The following JMJD1C variants were observed in gnomAD, a reference collection of about 807,000 sequenced individuals.
JMJD1C encodes the protein jumonji domain containing 1C, also known as jumonji domain-containing protein 1C.
In JMJD1C, 31 loss-of-function variants were observed where a neutral mutation model predicts 245.3. The ratio of observed to expected loss-of-function variants is 0.13; its 90% CI spans 0.09 to 0.17. JMJD1C has a LOEUF of 0.17. Ranked by LOEUF, JMJD1C falls within the 10% of genes least tolerant of loss-of-function variation. The probability of loss-of-function intolerance (pLI) is 1.00; values close to 1 mark genes in which losing one functional copy is unlikely to be tolerated. For missense variants in JMJD1C, 2,691 were observed against 3,000.2 expected (o/e 0.90, Z 2.41); for synonymous variants, 1,057 against 1,017.4 (o/e 1.04, Z -0.74).
chr10:63,517,657 T>C (rs1564983902), intron 1 of JMJD1C, among the ~76,000 whole-genome samples: 3 of 152,250 alleles, frequency 2.0e-5, no homozygotes, highest in Non-Finnish European at 4.4e-5. Context: ...ATCTTCTATA[T>C]AAGAAATGAT....
intron 1 of JMJD1C, among the ~76,000 whole-genome samples, chr10:63,487,123 G>A (rs1012873471): frequency 6.6e-6 from 1 of 152,152 alleles, no homozygotes; most frequent in Non-Finnish European, 1.5e-5. Context: ...TAAGAGGAAG[G>A]TATGATATAG....
intron 10 of JMJD1C, among the ~76,000 whole-genome samples, chr10:63,206,246 TG>T (rs1846603932): frequency 1.3e-5 from 2 of 152,164 alleles, no homozygotes; most frequent in Admixed American, 6.6e-5. Context: ...AATCCACTTT[TG>T]GTGTGACAGC....
intron 2 of JMJD1C, among the ~76,000 whole-genome samples, chr10:63,285,458 C>T (rs1266096902): frequency 6.6e-6 from 1 of 152,152 alleles, no homozygotes; most frequent in Non-Finnish European, 1.5e-5. Flanking sequence ...ATAAACTTGC[C>T]GCAGATCCCA....
chr10:63,214,532 T>C lies in JMJD1C; in HGVS notation c.1635A>G (p.Lys545=). 3 of 1,613,976 alleles carry C rather than the reference T, an allele frequency of 1.9e-6. No individual in the cohort carries two copies. Among genetic ancestry groups the C allele is most frequent in the Admixed American group, 1.7e-5 (1 of 60,006 alleles). ...AGAATTTTGCATTTGCAATAGAGTG[T>C]TTTGAATCACTAACATTAGGATCCA... ...QKMDPNVSDS[K]HSIANAKFLE... The change falls in exon 8 of 26, where the codon AAA becomes AAG. Residue 545 remains lysine (K), a synonymous_variant. Coordinates refer to ENST00000399262, the MANE Select transcript of JMJD1C (RefSeq NM_032776.3).
intron 2 of JMJD1C, among the ~76,000 whole-genome samples, chr10:63,359,675 T>C (rs765032414): frequency 3.3e-5 from 5 of 152,244 alleles, no homozygotes. Flanking sequence ...TTTCTAGCTA[T>C]TGAGTTGGTC....
intron 2 of JMJD1C, among the ~76,000 whole-genome samples, chr10:63,313,193 A>C (rs892878278): frequency 3.3e-5 from 5 of 152,180 alleles, no homozygotes; most frequent in African/African-American, 1.2e-4. Context: ...AAGAGAACAT[A>C]CGATGTTTGG....
chr10:63,261,862 C>T (rs1484326433), intron 3 of JMJD1C, among the ~76,000 whole-genome samples: 1 of 152,038 alleles, frequency 6.6e-6, no homozygotes, highest in East Asian at 1.9e-4. Flanking sequence ...CTGGGAATTC[C>T]CACTGAAAAC....
chr10:63,451,333 A>G (rs941632993), intron 1 of JMJD1C, among the ~76,000 whole-genome samples: 5 of 152,186 alleles, frequency 3.3e-5, no homozygotes, highest in African/African-American at 1.2e-4. Flanking sequence ...CAATCTTGAA[A>G]AAGAACAGAG....
At chr10:63,444,972 A>G (rs1197176558) in intron 1 of JMJD1C, among the ~76,000 whole-genome samples, 1 of 152,164 alleles carries the variant, frequency 6.6e-6, no homozygotes, top group Non-Finnish European at 1.5e-5. Flanking sequence ...CCCACCTGTA[A>G]TCCCATCACT....
intron 1 of JMJD1C, among the ~76,000 whole-genome samples, chr10:63,414,064 G>C (rs1463495938): frequency 6.8e-6 from 1 of 146,170 alleles, no homozygotes; most frequent in Non-Finnish European, 1.5e-5. Flanking sequence ...TTGGCTCACT[G>C]CAAGCCCCAC....
At chr10:63,175,303 A>C (rs778085181) in intron 24 of JMJD1C, among the ~76,000 whole-genome samples, 18 of 152,332 alleles carry the variant, frequency 1.2e-4, no homozygotes, top group Middle Eastern at 3.4e-3. Context: ...AAATAATCAT[A>C]AGTCCATGGG....
Position 63,433,200 on chromosome 10 carries a change from G to A in JMJD1C, c.168+32295C>T, listed in dbSNP as rs900214834. Among the ~76,000 whole-genome samples, 4 of 151,762 alleles carry A rather than the reference G, an allele frequency of 2.6e-5. No individual in the cohort carries two copies. In the South Asian group the frequency reaches 8.3e-4, roughly 32 times the overall value. On this transcript the variant is annotated intron_variant, in intron 1 of 25. Coordinates refer to ENST00000399262, the MANE Select transcript of JMJD1C (RefSeq NM_032776.3). Reference sequence around the variant, plus strand: ...TCTGCCTCCCGACCCCAGTTCAAGCGATTCTCCTGCCTCAGCCTCCCGAGT... The same window carrying A: ...TCTGCCTCCCGACCCCAGTTCAAGCAATTCTCCTGCCTCAGCCTCCCGAGT...
chr10:63,283,890 C>T (rs1372087597), intron 2 of JMJD1C, among the ~76,000 whole-genome samples: 1 of 151,984 alleles, frequency 6.6e-6, no homozygotes, highest in Non-Finnish European at 1.5e-5. Context: ...CATTTTTCTA[C>T]TCTGACAATA....
At chr10:63,171,437 C>A (rs1184551313) in intron 24 of JMJD1C, among the ~76,000 whole-genome samples, 3 of 152,218 alleles carry the variant, frequency 2.0e-5, no homozygotes, top group African/African-American at 7.2e-5. Flanking sequence ...CTTCCTTGAA[C>A]AGACAGCCCA....
intron 2 of JMJD1C, among the ~76,000 whole-genome samples, chr10:63,295,938 C>CATAT (rs10653796): frequency 0.11 from 12,224 of 115,054 alleles, 1,495 homozygotes; most frequent in African/African-American, 0.27. Context: ...CATGTGTATA[C>CATAT]ATATATATAT....
At chr10:63,406,085 G>A (rs1455355282) in intron 1 of JMJD1C, among the ~76,000 whole-genome samples, 1 of 152,212 alleles carries the variant, frequency 6.6e-6, no homozygotes, top group East Asian at 1.9e-4. Context: ...ACATGGGAAA[G>A]ATGGTGTAAT....
chr10:63,389,000 G>A (rs1459471255), intron 1 of JMJD1C, among the ~76,000 whole-genome samples: 1 of 152,070 alleles, frequency 6.6e-6, no homozygotes, highest in East Asian at 1.9e-4. Context: ...AAACAGCAGA[G>A]GACCCAGATG....
In JMJD1C at chr10:63,325,843, A is replaced by C. The variant is rs532916028; in HGVS notation, c.333+54475T>G. Among the ~76,000 whole-genome samples the C allele has an allele frequency of 6.6e-5, 10 of 152,304 alleles. 1 individual carries two copies. Among genetic ancestry groups the C allele is most frequent in the Admixed American group, 5.9e-4 (9 of 15,298 alleles). On this transcript the variant is annotated intron_variant, in intron 2 of 25. Coordinates refer to ENST00000399262, the MANE Select transcript of JMJD1C (RefSeq NM_032776.3). ...TGAACTACCTTATTTCCAACTTTTT[A>C]GGGATCATATACTTGTTTCCATATC... is the stretch of plus-strand genomic sequence containing the variant.
At chr10:63,411,520 A>T in intron 1 of JMJD1C, among the ~76,000 whole-genome samples, 1 of 151,806 alleles carries the variant, frequency 6.6e-6, no homozygotes, top group African/African-American at 2.4e-5. Context: ...GCTGGTCTCG[A>T]ACTCCTGACC....
Sources: gnomAD v4.1 joint callset for allele counts (sites outside exome capture counted in the v4.1 genomes callset) on GRCh38, gnomAD v4.1.1 for gene constraint, MANE v1.5 for transcripts, NCBI Gene and HGNC (gene_info 2026-07-23, HGNC 2026-07-21) for gene names.